The following GPC5 variants were observed in gnomAD, a reference collection of about 807,000 sequenced individuals.
The protein encoded by GPC5 is glypican 5.
Under a neutral mutation model 53.9 loss-of-function variants are expected in GPC5, and 47 were observed. The observed-to-expected ratio is 0.87, with a 90% CI of 0.69 to 1.11. GPC5 has a LOEUF of 1.11. Among genes scored for constraint, GPC5 ranks in the 50% most tolerant of loss-of-function variants. GPC5 has a pLI of 0.00. For synonymous variants in GPC5, 286 were observed against 263.3 expected (o/e 1.09, Z -0.84); for missense variants, 748 against 713.1 (o/e 1.05, Z -0.56).
At chr13:92,813,941 T>C (rs1277005145) in intron 7 of GPC5, among the ~76,000 whole-genome samples, 1 of 151,976 alleles carries the variant, frequency 6.6e-6, no homozygotes, top group Non-Finnish European at 1.5e-5. Flanking sequence ...CCAAAACAAT[T>C]TGCAAAAATA....
chr13:92,574,949 C>A (rs1045001569), intron 7 of GPC5, among the ~76,000 whole-genome samples: 1 of 152,182 alleles, frequency 6.6e-6, no homozygotes, highest in African/African-American at 2.4e-5. Context: ...AGAGATAGAA[C>A]TATTCATCCA....
chr13:92,765,113 T>C (rs945638725), intron 7 of GPC5, among the ~76,000 whole-genome samples: 1 of 152,154 alleles, frequency 6.6e-6, no homozygotes, highest in Non-Finnish European at 1.5e-5. Flanking sequence ...TGAGATACGA[T>C]GGACAAGTTG....
intron 7 of GPC5, among the ~76,000 whole-genome samples, chr13:92,718,322 T>C (rs1238049589): frequency 2.0e-5 from 3 of 152,050 alleles, no homozygotes; most frequent in Non-Finnish European, 2.9e-5. Context: ...GGCAAACTAA[T>C]GGATAAAGAA....
intron 7 of GPC5, among the ~76,000 whole-genome samples, chr13:92,649,357 T>A (rs1330708943): frequency 6.6e-6 from 1 of 152,128 alleles, no homozygotes; most frequent in African/African-American, 2.4e-5. Context: ...TCATAGTAAG[T>A]GATGCTTTTG....
chr13:91,463,749 T>A (rs1882073776), intron 2 of GPC5, among the ~76,000 whole-genome samples: 1 of 152,142 alleles, frequency 6.6e-6, no homozygotes, highest in African/African-American at 2.4e-5. Flanking sequence ...ACCTAAACTT[T>A]GTACATTATA....
In GPC5 at chr13:91,647,871, T is replaced by C. The variant is rs116561633; in HGVS notation, c.326-45316T>C. On this transcript the variant is annotated intron_variant, in intron 2 of 7. Transcript: ENST00000377067. ...TTGGCATCTGTTTCCTAGAGGACTC[T>C]TTCTAACACACTGTATAAGGGACTA... is the stretch of plus-strand genomic sequence containing the variant. Among the ~76,000 whole-genome samples the C allele has an allele frequency of 2.6e-5, 4 of 152,354 alleles. No individual in the cohort carries two copies. The South Asian group carries it at 6.2e-4, about 24-fold the overall frequency.
intron 7 of GPC5, among the ~76,000 whole-genome samples, chr13:92,192,558 AAT>A (rs1225964506): frequency 1.3e-5 from 2 of 152,216 alleles, no homozygotes; most frequent in African/African-American, 2.4e-5. Flanking sequence ...TATAAAAAGC[AAT>A]ATGAGTTTAT....
rs191979215 is a variant in GPC5 at position 91,782,720 on chromosome 13, T to A, written c.1280+26300T>A. On this transcript the variant is annotated intron_variant, in intron 5 of 7. Transcript: ENST00000377067. ...TAAAATTAGTTCAGTATTTTCCTTT[T>A]TACCAACCCTATGAAATAGGTGTAT... 3.9e-5 allele frequency among the ~76,000 whole-genome samples: 6 copies of A among 152,292 alleles called. 1 individual carries two copies. Among genetic ancestry groups the A allele is most frequent in the African/African-American group, 1.4e-4 (6 of 41,548 alleles).
intron 5 of GPC5, among the ~76,000 whole-genome samples, chr13:91,803,080 A>C (rs1054801566): frequency 1.2e-4 from 18 of 152,162 alleles, no homozygotes; most frequent in Admixed American, 1.0e-3. Flanking sequence ...CCAGAACTCA[A>C]ACAATTTGAA....
chr13:92,755,337 G>C (rs1874813426), intron 7 of GPC5, among the ~76,000 whole-genome samples: 1 of 140,582 alleles, frequency 7.1e-6, no homozygotes, highest in African/African-American at 2.7e-5. Context: ...GCAGTGTGTA[G>C]AGGGAAATTT....
chr13:92,594,539 C>T (rs1427379557), intron 7 of GPC5, among the ~76,000 whole-genome samples: 1 of 152,178 alleles, frequency 6.6e-6, no homozygotes, highest in Non-Finnish European at 1.5e-5. Flanking sequence ...CTAAAAAGTT[C>T]ACCTTCAGTT....
At chr13:92,223,915 A>G (rs1438567076) in intron 7 of GPC5, among the ~76,000 whole-genome samples, 1 of 152,166 alleles carries the variant, frequency 6.6e-6, no homozygotes, top group Non-Finnish European at 1.5e-5. Flanking sequence ...ATGAATTCTC[A>G]TTCCAAGAAT....
intron 6 of GPC5, among the ~76,000 whole-genome samples, chr13:92,053,492 T>C (rs1403518540): frequency 6.6e-6 from 1 of 152,206 alleles, no homozygotes; most frequent in Non-Finnish European, 1.5e-5. Context: ...TTTATCTTTG[T>C]CTGCAAGATT....
At chr13:91,975,281 A>C (rs1273048487) in intron 6 of GPC5, among the ~76,000 whole-genome samples, 1 of 152,172 alleles carries the variant, frequency 6.6e-6, no homozygotes, top group Non-Finnish European at 1.5e-5. Context: ...GGATCTAATT[A>C]AACTAAAGAG....
chr13:92,856,658 C>A (rs1719689343), intron 7 of GPC5, among the ~76,000 whole-genome samples: 6 of 151,934 alleles, frequency 3.9e-5, no homozygotes, highest in Admixed American at 3.9e-4. Context: ...AATCAATGTA[C>A]AAAAATCAAT....
chr13:92,856,878 A>G (rs972105161), intron 7 of GPC5, among the ~76,000 whole-genome samples: 1 of 152,164 alleles, frequency 6.6e-6, no homozygotes, highest in Non-Finnish European at 1.5e-5. Context: ...AGAAGAATCA[A>G]TATTGTTAAA....
chr13:91,856,864 G>T (rs538790964), intron 5 of GPC5, among the ~76,000 whole-genome samples: 2 of 150,822 alleles, frequency 1.3e-5, no homozygotes, highest in Admixed American at 1.3e-4. Flanking sequence ...TTTCTCCTAC[G>T]CTTTATATCA....
intron 7 of GPC5, among the ~76,000 whole-genome samples, chr13:92,851,520 T>A (rs1414093556): frequency 2.6e-5 from 4 of 152,018 alleles, no homozygotes; most frequent in Non-Finnish European, 5.9e-5. Flanking sequence ...GAACTACACA[T>A]TTGTTGTAAT....
chr13:92,584,129 T>C (rs1455912657), intron 7 of GPC5, among the ~76,000 whole-genome samples: 1 of 152,034 alleles, frequency 6.6e-6, no homozygotes, highest in Non-Finnish European at 1.5e-5. Context: ...CTGAAAAAAA[T>C]ACTCCAAAAT....
Sources: gnomAD v4.1 joint callset for allele counts (sites outside exome capture counted in the v4.1 genomes callset) on GRCh38, gnomAD v4.1.1 for gene constraint, MANE v1.5 for transcripts, NCBI Gene and HGNC (gene_info 2026-07-23, HGNC 2026-07-21) for gene names.